The following STK4 variants were observed in gnomAD, a reference collection of about 807,000 sequenced individuals.
STK4 encodes the protein serine/threonine-protein kinase 4.
Under a neutral mutation model 64.9 loss-of-function variants are expected in STK4, and 30 were observed. That is an observed-to-expected ratio of 0.46 (90% CI 0.35 to 0.63). STK4 has a LOEUF of 0.63. STK4 is among the 20% of genes least tolerant of loss of function. The probability of loss-of-function intolerance (pLI) is 0.01; values close to 1 mark genes in which losing one functional copy is unlikely to be tolerated. For synonymous variants in STK4, 177 were observed against 199.0 expected, an observed-to-expected ratio of 0.89 and a Z score of 0.93; for missense variants, 466 against 598.5, an observed-to-expected ratio of 0.78 and a Z score of 2.31.
intron 10 of STK4, among the ~76,000 whole-genome samples, chr20:45,028,226 A>T (rs1449607261): frequency 6.6e-6 from 1 of 151,950 alleles, no homozygotes; most frequent in Non-Finnish European, 1.5e-5. Flanking sequence ...ATTCCTACCA[A>T]TGGCGTATGA....
intron 9 of STK4, among the ~76,000 whole-genome samples, chr20:45,019,530 T>A (rs981121166): frequency 2.0e-5 from 3 of 152,230 alleles, no homozygotes; most frequent in Admixed American, 6.5e-5. Flanking sequence ...TGCTTATGAA[T>A]TCACTGCTTT....
intron 2 of STK4, 105 bp downstream of exon 2, chr20:44,972,263 G>T: frequency 3.0e-6 from 3 of 995,628 alleles, no homozygotes; most frequent in Non-Finnish European, 4.6e-6. Context: ...AGGTGGGGTG[G>T]AAGGTAAATT....
chr20:44,990,154 T>C (rs1325038487), intron 5 of STK4, among the ~76,000 whole-genome samples: 1 of 152,228 alleles, frequency 6.6e-6, no homozygotes, highest in African/African-American at 2.4e-5. Flanking sequence ...TTGGCAATAT[T>C]GTCTTCCGAT....
intron 3 of STK4, 43 bp downstream of exon 3, chr20:44,978,614 A>T: frequency 6.2e-7 from 1 of 1,601,332 alleles, no homozygotes; most frequent in Non-Finnish European, 8.5e-7. Context: ...GTGGTTTTGA[A>T]TTAGCTATGA....
chr20:44,970,309 A>G (rs947842180), intron 1 of STK4, among the ~76,000 whole-genome samples: 1 of 152,124 alleles, frequency 6.6e-6, no homozygotes, highest in African/African-American at 2.4e-5. Flanking sequence ...GGCAGTGGCA[A>G]TTTCCTTTGT....
Position 45,056,077 on chromosome 20 carries a change from T to G in STK4, c.1306-18941T>G, listed in dbSNP as rs571369587. 3.4e-3 allele frequency among the ~76,000 whole-genome samples: 512 copies of G among 152,350 alleles called. 2 individuals are homozygous for G. Among genetic ancestry groups the G allele is most frequent in the African/African-American group, 0.011 (471 of 41,574 alleles). On this transcript the variant is annotated intron_variant, in intron 10 of 10. Coordinates refer to ENST00000372806, the MANE Select transcript of STK4 (RefSeq NM_006282.5). ...ATACATTTAAGGCTGTAAAATTTCCTTTAAATACTATTTCAACTACCTGCC... is the reference window on the plus strand; with the variant it reads ...ATACATTTAAGGCTGTAAAATTTCCGTTAAATACTATTTCAACTACCTGCC...
chr20:45,055,001 C>CAATATAT (rs1190803032), intron 10 of STK4, among the ~76,000 whole-genome samples: 1 of 151,932 alleles, frequency 6.6e-6, no homozygotes. Context: ...CCTGATTTAC[C>CAATATAT]AAGAATAGCA....
intron 10 of STK4, among the ~76,000 whole-genome samples, chr20:45,051,416 T>G (rs1224973674): frequency 6.6e-6 from 1 of 152,214 alleles, no homozygotes; most frequent in East Asian, 1.9e-4. Context: ...GGGGGCTTTT[T>G]GGGAGACAAA....
chr20:44,984,794 T>C (rs1226229731), intron 4 of STK4, among the ~76,000 whole-genome samples: 1 of 152,042 alleles, frequency 6.6e-6, no homozygotes, highest in Non-Finnish European at 1.5e-5. Context: ...TTCTTTTTTT[T>C]TTTCAAAGAT....
chr20:45,070,750 A>G lies in STK4; in HGVS notation c.1306-4268A>G, dbSNP rs969295068. On this transcript the variant is annotated intron_variant, in intron 10 of 10. Coordinates refer to ENST00000372806, the MANE Select transcript of STK4 (RefSeq NM_006282.5). Reference sequence around the variant, plus strand: ...AAAATACAAAAATCTAGCCGAGCGCAGGTGGCAGGCGCCTGTAATCCCAGC... The same window carrying G: ...AAAATACAAAAATCTAGCCGAGCGCGGGTGGCAGGCGCCTGTAATCCCAGC... Among the ~76,000 whole-genome samples, 7 of 151,964 alleles carry G rather than the reference A, an allele frequency of 4.6e-5. No homozygotes were observed. In the South Asian group the frequency reaches 1.5e-3, roughly 32 times the overall value.
intron 10 of STK4, among the ~76,000 whole-genome samples, chr20:45,064,285 GTC>G (rs1209309175): frequency 1.3e-5 from 2 of 152,070 alleles, no homozygotes; most frequent in Admixed American, 1.3e-4. Context: ...TGATCTGTAT[GTC>G]TGTTTTTGTA....
chr20:45,034,753 A>G (rs959399524), intron 10 of STK4, among the ~76,000 whole-genome samples: 7 of 152,098 alleles, frequency 4.6e-5, no homozygotes, highest in African/African-American at 1.7e-4. Flanking sequence ...TCTCTACAAA[A>G]AAAAGGAAAA....
chr20:44,972,360 A>T, intron 2 of STK4: 1 of 478,112 alleles, frequency 2.1e-6, no homozygotes, highest in South Asian at 3.7e-5. Flanking sequence ...CACGAAGAAT[A>T]TCTATTGTTT....
intron 1 of STK4, among the ~76,000 whole-genome samples, chr20:44,970,034 G>A (rs941498772): frequency 6.6e-6 from 1 of 151,872 alleles, no homozygotes. Context: ...ATGTAATAGC[G>A]CCTTAAGTTC....
chr20:44,983,304 T>C (rs1568688468), intron 4 of STK4, among the ~76,000 whole-genome samples: 1 of 152,164 alleles, frequency 6.6e-6, no homozygotes, highest in Non-Finnish European at 1.5e-5. Context: ...ATGTATGTTT[T>C]AGAAAGATAA....
intron 10 of STK4, among the ~76,000 whole-genome samples, chr20:45,061,382 G>A (rs1203107276): frequency 6.6e-6 from 1 of 152,066 alleles, no homozygotes; most frequent in African/African-American, 2.4e-5. Context: ...AACAATTCAT[G>A]AATTTTAAAT....
At chr20:44,976,454 CAGTAGAAT>C (rs2067339398) in intron 2 of STK4, among the ~76,000 whole-genome samples, 1 of 152,156 alleles carries the variant, frequency 6.6e-6, no homozygotes, top group African/African-American at 2.4e-5. Context: ...AGTTACATTA[CAGTAGAAT>C]AGTAGACTGT....
At chr20:44,985,044 C>T (rs1407573494) in intron 4 of STK4, among the ~76,000 whole-genome samples, 1 of 152,128 alleles carries the variant, frequency 6.6e-6, no homozygotes, top group African/African-American at 2.4e-5. Context: ...ATTAACTTAA[C>T]TGGTTAGAAT....
intron 2 of STK4, among the ~76,000 whole-genome samples, chr20:44,973,647 T>C (rs2067290149): frequency 6.6e-6 from 1 of 152,240 alleles, no homozygotes; most frequent in Non-Finnish European, 1.5e-5. Context: ...ACTACTACAA[T>C]GTGAGGCTGA....
Sources: gnomAD v4.1 joint callset for allele counts (sites outside exome capture counted in the v4.1 genomes callset) on GRCh38, gnomAD v4.1.1 for gene constraint, MANE v1.5 for transcripts, NCBI Gene and HGNC (gene_info 2026-07-23, HGNC 2026-07-21) for gene names.